Variants in RADIL observed in about 807,000 individuals in gnomAD.
RADIL encodes the protein Rap associating with DIL domain, also known as ras-associating and dilute domain-containing protein.
In RADIL, 99 loss-of-function variants were observed where a neutral mutation model predicts 97.6. That is an observed-to-expected ratio of 1.01 (90% CI 0.86 to 1.20). RADIL has a LOEUF of 1.20. Among genes scored for constraint, RADIL ranks in the 50% most tolerant of loss-of-function variants. The pLI is 0.00. For missense variants in RADIL, 1,765 were observed against 1,498.9 expected (o/e 1.18, Z -2.93); for synonymous variants, 803 against 691.8 (o/e 1.16, Z -2.52).
In RADIL at chr7:4,801,857, G is replaced by A. The variant is rs774872627; in HGVS notation, c.2638C>T (p.Pro880Ser). ...CCACGGCTGGGTTGCCTTCCAGGGG[G>A]GGCCTGTGCCCAGGGAGCCCCCCTC... The part of the protein sequence containing the change: ...PLRGAPWAQA[P>S]PGRQPSRGGS... The change falls in exon 12 of 15, where the codon CCC becomes TCC. Residue 880 changes from proline (P) to serine (S), a missense_variant. Coordinates refer to ENST00000399583, the MANE Select transcript of RADIL (RefSeq NM_018059.5). The A allele has an allele frequency of 1.1e-5, 17 of 1,595,818 alleles. No homozygotes were observed. The highest frequency in any genetic ancestry group is 1.7e-4 in the Middle Eastern group (1 of 5,972).
intron 2 of RADIL, among the ~76,000 whole-genome samples, chr7:4,870,325 C>T (rs1784223796): frequency 6.6e-6 from 1 of 152,212 alleles, no homozygotes; most frequent in Admixed American, 6.5e-5. Context: ...TCAGTATATT[C>T]TCTAAAACCA....
At position 4,798,720 on chromosome 7, in the gene RADIL, T is replaced by G. The variant is rs1010557922; in HGVS notation, c.*658A>C. The G allele has an allele frequency of 1.3e-5, 2 of 152,648 alleles. No individual in the cohort carries two copies. The highest frequency in any genetic ancestry group is 4.8e-5 in the African/African-American group (2 of 41,456). 9.5% of individuals were successfully genotyped at this position (152,648 alleles called of 1,614,324 possible). On this transcript the variant is annotated 3_prime_UTR_variant, in exon 15 of 15. Transcript: ENST00000399583. ...GGTGGCTTTAGTAGGGGAGAGGAAC[T>G]CAGGAGGGAGCAGGAGTCCTGGGAG...
intron 2 of RADIL, among the ~76,000 whole-genome samples, chr7:4,876,709 C>T (rs558763549): frequency 2.6e-5 from 4 of 152,350 alleles, no homozygotes; most frequent in African/African-American, 9.6e-5. Context: ...TCAAACTCTG[C>T]GGCAGGCACT....
At chr7:4,852,868 T>C (rs911711866) in intron 2 of RADIL, among the ~76,000 whole-genome samples, 1 of 151,848 alleles carries the variant, frequency 6.6e-6, no homozygotes, top group African/African-American at 2.4e-5. Context: ...TGAACCAGAG[T>C]GATTGTTACC....
chr7:4,832,222 C>T (rs1403415455), intron 4 of RADIL, 44 bp from the exon 5 acceptor site: 1 of 1,583,114 alleles, frequency 6.3e-7, no homozygotes, highest in African/African-American at 1.4e-5. Flanking sequence ...GCAAAACAGG[C>T]TAACACAGGG....
chr7:4,801,151 C>A (rs904780474), intron 12 of RADIL, among the ~76,000 whole-genome samples: 5 of 151,774 alleles, frequency 3.3e-5, no homozygotes, highest in African/African-American at 1.2e-4. Flanking sequence ...GATGCACACA[C>A]AATGCACACC....
intron 5 of RADIL, among the ~76,000 whole-genome samples, chr7:4,830,458 C>T (rs866618659): frequency 2.0e-5 from 3 of 152,186 alleles, no homozygotes; most frequent in African/African-American, 2.4e-5. Flanking sequence ...TGGAGAGTGG[C>T]GGTGCACTAC....
At chr7:4,839,590 T>C (rs1783392191) in intron 2 of RADIL, among the ~76,000 whole-genome samples, 1 of 152,194 alleles carries the variant, frequency 6.6e-6, no homozygotes, top group Admixed American at 6.5e-5. Context: ...ATATATAATT[T>C]ATGATAAATA....
In RADIL at chr7:4,800,797, G is replaced by A. The variant is rs114112861; in HGVS notation, c.2843-487C>T. On this transcript the variant is annotated intron_variant, in intron 12 of 14. Coordinates refer to ENST00000399583, the MANE Select transcript of RADIL (RefSeq NM_018059.5). ...CTCCATAATGGTGATCCTGCCGTGG[G>A]TGCACTTAGGTCAGAGATGAGCTGT... Among the ~76,000 whole-genome samples the A allele has an allele frequency of 1.6e-3, 251 of 152,292 alleles. 1 individual carries two copies. The highest frequency in any genetic ancestry group is 5.8e-3 in the African/African-American group (241 of 41,564).
intron 2 of RADIL, among the ~76,000 whole-genome samples, chr7:4,875,371 C>CTG (rs1784352203): frequency 6.6e-6 from 1 of 151,358 alleles, no homozygotes; most frequent in Non-Finnish European, 1.5e-5. Flanking sequence ...CCAGCCTGGG[C>CTG]GACAGAGAGA....
At position 4,811,798 on chromosome 7, in the gene RADIL, T is replaced by C. The variant is rs549237616; in HGVS notation, c.2139+3480A>G. ...CACCGCGCCTGGCCTAATTCTTCTTTAATGTTTAAAATAATTCACCAATGA... is the reference window on the plus strand; with the variant it reads ...CACCGCGCCTGGCCTAATTCTTCTTCAATGTTTAAAATAATTCACCAATGA... On this transcript the variant is annotated intron_variant, in intron 9 of 14. Coordinates refer to ENST00000399583, the MANE Select transcript of RADIL (RefSeq NM_018059.5). Among the ~76,000 whole-genome samples the C allele has an allele frequency of 2.0e-5, 3 of 152,012 alleles. No individual in the cohort carries two copies. In the East Asian group the frequency reaches 5.8e-4, roughly 30 times the overall value.
At position 4,880,619 on chromosome 7, in the gene RADIL, C is replaced by A. The variant is rs918991660; in HGVS notation, c.-64-2416G>T. 1.3e-5 allele frequency among the ~76,000 whole-genome samples: 2 copies of A among 152,206 alleles called. No individual in the cohort carries two copies. The highest frequency in any genetic ancestry group is 3.9e-4 in the East Asian group (2 of 5,188). On this transcript the variant is annotated intron_variant, in intron 1 of 14. Transcript: ENST00000399583. This position sits in a 1 kb window ranked among gnomAD's most constrained non-coding sequence, Gnocchi z 4.5. ...CAGGCAGCACACACTGGCAGAGGGT[C>A]GGCCACCACCTTTTCATAGTGCTCA...
rs947987770 is a variant in RADIL, at chr7:4,873,003, T to G, written c.535+4602A>C. Among the ~76,000 whole-genome samples the G allele has an allele frequency of 6.6e-6, 1 of 152,190 alleles. No homozygotes were observed. The highest frequency in any genetic ancestry group is 2.4e-5 in the African/African-American group (1 of 41,438). The stretch of plus-strand genomic sequence containing the variant: ...CCCAGGCTGGAGTGCAGTGGTGCGA[T>G]CTCAGCTCACTGCAACCTCCGCCTC... On this transcript the variant is annotated intron_variant, in intron 2 of 14. Coordinates refer to ENST00000399583, the MANE Select transcript of RADIL (RefSeq NM_018059.5). This position sits in a 1 kb window ranked among gnomAD's most constrained non-coding sequence, Gnocchi z 4.3.
intron 2 of RADIL, chr7:4,861,843 C>CCACCACCGCGACCTTCACGTCCCA: frequency 1.4e-6 from 2 of 1,405,104 alleles, no homozygotes; most frequent in Non-Finnish European, 1.9e-6. Flanking sequence ...GGCACGTCCC[C>CCACCACCGCGACCTTCACGTCCCA]CACCACCGCG....
Position 4,831,889 on chromosome 7 carries a change from AAAC to A in RADIL, c.1454+249_1454+251del, listed in dbSNP as rs373972284. 3.4e-3 allele frequency among the ~76,000 whole-genome samples: 518 copies of A among 152,158 alleles called. 6 individuals are homozygous for A. The highest frequency in any genetic ancestry group is 0.012 in the African/African-American group (488 of 41,498). On this transcript the variant is annotated intron_variant, in intron 5 of 14. Coordinates refer to ENST00000399583, the MANE Select transcript of RADIL (RefSeq NM_018059.5). ...GCGATAGAGCAAACAAAACAAAACA[AAAC>A]AAAAACAAACAAAAAAAGAAGACCT...
Position 4,824,511 on chromosome 7 carries a change from A to AG in RADIL, c.1455-1958dup, listed in dbSNP as rs1356760259. 1.3e-5 allele frequency among the ~76,000 whole-genome samples: 2 copies of AG among 152,096 alleles called. No homozygotes were observed. ...CTGGGCAGCCGAGCAGGGCTGGGGGAGGAACCCCAGGCTGCGTCCCAGATT... is the reference window on the plus strand; with the variant it reads ...CTGGGCAGCCGAGCAGGGCTGGGGGAGGGAACCCCAGGCTGCGTCCCAGATT... On this transcript the variant is annotated intron_variant, in intron 5 of 14. Transcript: ENST00000399583. This position sits in a 1 kb window ranked among gnomAD's most constrained non-coding sequence, Gnocchi z 6.7.
intron 11 of RADIL, among the ~76,000 whole-genome samples, chr7:4,802,233 C>G (rs1782113179): frequency 6.6e-6 from 1 of 152,230 alleles, no homozygotes; most frequent in Non-Finnish European, 1.5e-5. Context: ...GCCTGCTGCC[C>G]CCAGCCCAGC....
In RADIL at chr7:4,877,800, C is replaced by T. The variant is rs773285971; in HGVS notation, c.340G>A (p.Asp114Asn). 6.2e-7 allele frequency: 1 copy of T among 1,611,172 alleles called. No individual in the cohort carries two copies. The highest frequency in any genetic ancestry group is 1.1e-5 in the South Asian group (1 of 91,052). Reference sequence around the variant, plus strand: ...GCATCGCCGGCTTGGCCCACCACGTCACACAGCACGTACTGGCCGGCCTGC... The same window carrying T: ...GCATCGCCGGCTTGGCCCACCACGTTACACAGCACGTACTGGCCGGCCTGC... ...PRQAGQYVLC[D>N]VVGQAGDAGQ... Residue 114 changes from aspartate (D) to asparagine (N), a missense_variant, in exon 2 of 15, where the codon GAC becomes AAC. Transcript: ENST00000399583.
rs952113750 is a variant in RADIL at position 4,835,764 on chromosome 7, C to T, written c.784-525G>A. ...CAAAGGAGCTGGCTGCACAGGAGGG[C>T]GGGGGTAGGGTGAGCAGGGGGCGGG... On this transcript the variant is annotated intron_variant, in intron 3 of 14. Coordinates refer to ENST00000399583, the MANE Select transcript of RADIL (RefSeq NM_018059.5). The surrounding 1 kb of genome is among the most constrained non-coding windows in gnomAD (Gnocchi z 5.8). 3.6e-4 allele frequency among the ~76,000 whole-genome samples: 43 copies of T among 117,934 alleles called. No individual in the cohort carries two copies. Among genetic ancestry groups the T allele is most frequent in the African/African-American group, 1.3e-3 (41 of 31,846 alleles). The allele number at this position is 117,934 out of a possible 152,430, so 77.4% of individuals were successfully genotyped here. A position where few individuals can be genotyped will look rare whatever the true frequency, so the allele number is the denominator to read the frequency against.
Sources: allele counts gnomAD v4.1 joint callset (sites outside exome capture counted in the v4.1 genomes callset), GRCh38; gene constraint gnomAD v4.1.1; non-coding constraint Gnocchi (gnomAD v3.1); transcripts MANE v1.5; gene names NCBI Gene and HGNC (gene_info 2026-07-23, HGNC 2026-07-21).